Variants in ZNF385D observed in about 807,000 individuals in gnomAD.
ZNF385D encodes the protein zinc finger protein 659.
ZNF385D carries 15 observed loss-of-function variants against 35.8 expected under a neutral mutation model. The ratio of observed to expected loss-of-function variants is 0.42; its 90% CI spans 0.28 to 0.64. The LOEUF (loss-of-function observed/expected upper bound fraction) is 0.64, where lower values mean the gene tolerates loss of function less well. Ranked by LOEUF, ZNF385D falls within the 30% of genes least tolerant of loss-of-function variation. The pLI, the probability that ZNF385D is intolerant of heterozygous loss-of-function variation, is 0.23. For synonymous variants in ZNF385D, 212 were observed against 186.8 expected, an observed-to-expected ratio of 1.13 and a Z score of -1.10; for missense variants, 474 against 494.6, an observed-to-expected ratio of 0.96 and a Z score of 0.39.
chr3:21,822,492 T>C (rs1393328447), intron 3 of ZNF385D, among the ~76,000 whole-genome samples: 2 of 152,190 alleles, frequency 1.3e-5, no homozygotes, highest in Non-Finnish European at 2.9e-5. Flanking sequence ...ACATGTAAAA[T>C]CGTACAACAA....
intron 2 of ZNF385D, among the ~76,000 whole-genome samples, chr3:22,301,964 T>C (rs1702925239): frequency 6.6e-6 from 1 of 152,080 alleles, no homozygotes. Flanking sequence ...TTTCACTGTG[T>C]GTATATCCTT....
At chr3:21,593,655 TA>T (rs1182892798) in intron 2 of ZNF385D, among the ~76,000 whole-genome samples, 3 of 152,072 alleles carry the variant, frequency 2.0e-5, no homozygotes, top group Non-Finnish European at 4.4e-5. Flanking sequence ...CAATGCATTT[TA>T]AAAACATGAA....
At chr3:21,910,419 C>T (rs576930442) in intron 3 of ZNF385D, among the ~76,000 whole-genome samples, 2 of 151,898 alleles carry the variant, frequency 1.3e-5, no homozygotes, top group Non-Finnish European at 2.9e-5. Context: ...TGAAGAGAGC[C>T]TTTGCACTTA....
chr3:22,226,578 C>A (rs940488729), intron 2 of ZNF385D, among the ~76,000 whole-genome samples: 1 of 152,110 alleles, frequency 6.6e-6, no homozygotes, highest in Admixed American at 6.6e-5. Flanking sequence ...TGTTTAAGAA[C>A]CTGTGATTAA....
intron 3 of ZNF385D, among the ~76,000 whole-genome samples, chr3:21,928,273 GGA>G (rs1484334385): frequency 4.9e-4 from 71 of 144,554 alleles, no homozygotes; most frequent in Non-Finnish European, 1.2e-4. Flanking sequence ...AAGGAAGGAA[GGA>G]AGAGAGGAAG....
intron 3 of ZNF385D, among the ~76,000 whole-genome samples, chr3:21,806,864 C>A (rs1259286814): frequency 6.6e-6 from 1 of 151,788 alleles, no homozygotes; most frequent in African/African-American, 2.4e-5. Flanking sequence ...ATCAAAAAAA[C>A]AAAGCAAAGC....
At chr3:21,848,572 G>A (rs1253461475) in intron 3 of ZNF385D, among the ~76,000 whole-genome samples, 1 of 151,812 alleles carries the variant, frequency 6.6e-6, no homozygotes, top group African/African-American at 2.4e-5. Flanking sequence ...CAATGCTACA[G>A]AAATACAAAG....
chr3:21,996,509 G>A (rs1437788246), intron 3 of ZNF385D, among the ~76,000 whole-genome samples: 7 of 151,978 alleles, frequency 4.6e-5, no homozygotes, highest in East Asian at 1.9e-4. Context: ...AATAAATGAC[G>A]GGTGCCATCT....
intron 1 of ZNF385D, among the ~76,000 whole-genome samples, chr3:21,747,873 G>A (rs78626711): frequency 0.055 from 8,362 of 152,158 alleles, 316 homozygotes; most frequent in Middle Eastern, 0.092. Context: ...TTCATCTTTG[G>A]CACATGTAAT....
intron 3 of ZNF385D, among the ~76,000 whole-genome samples, chr3:22,097,713 T>A (rs752734108): frequency 3.3e-5 from 5 of 152,018 alleles, no homozygotes; most frequent in Non-Finnish European, 7.4e-5. Flanking sequence ...AGGATGAAGC[T>A]GTGTGCTTGG....
At chr3:21,717,841 C>A (rs1331921727) in intron 1 of ZNF385D, among the ~76,000 whole-genome samples, 2 of 152,152 alleles carry the variant, frequency 1.3e-5, no homozygotes, top group Non-Finnish European at 2.9e-5. Context: ...CATTAAACTT[C>A]TTTTTCTTTA....
In ZNF385D at chr3:21,926,332, G is replaced by T. The variant is rs1302363807; in HGVS notation, c.325+242485C>A. ...CAGTGTGTGATGCTCCCCTCCCTGT[G>T]TCCATGTGTTCTCATTGTTCAACTC... On this transcript the variant is annotated intron_variant, in intron 3 of 5. Transcript: ENST00000494108. Among the ~76,000 whole-genome samples, 4 of 151,914 alleles carry T rather than the reference G, an allele frequency of 2.6e-5. No individual in the cohort carries two copies. The South Asian group carries it at 8.3e-4, about 32-fold the overall frequency.
intron 3 of ZNF385D, among the ~76,000 whole-genome samples, chr3:21,563,066 G>C (rs776624239): frequency 1.3e-5 from 2 of 151,862 alleles, no homozygotes; most frequent in Non-Finnish European, 2.9e-5. Context: ...AAATTCATAT[G>C]TTGAGATTCT....
intron 3 of ZNF385D, among the ~76,000 whole-genome samples, chr3:21,781,337 C>T (rs187544758): frequency 6.6e-6 from 1 of 152,110 alleles, no homozygotes; most frequent in East Asian, 1.9e-4. Context: ...ACCTTCCATA[C>T]CCTTCCATAT....
intron 3 of ZNF385D, among the ~76,000 whole-genome samples, chr3:21,812,416 T>G (rs1276311033): frequency 1.3e-5 from 2 of 152,208 alleles, no homozygotes; most frequent in Non-Finnish European, 2.9e-5. Context: ...ACCTCAGAAG[T>G]GCAAGAGGTT....
chr3:22,314,827 T>C (rs1301394411), intron 2 of ZNF385D, among the ~76,000 whole-genome samples: 1 of 152,122 alleles, frequency 6.6e-6, no homozygotes, highest in Admixed American at 6.6e-5. Context: ...AGGCCTGGAC[T>C]ATGTGGTTTC....
chr3:22,346,183 A>C (rs955682190), intron 2 of ZNF385D, among the ~76,000 whole-genome samples: 27 of 152,206 alleles, frequency 1.8e-4, no homozygotes, highest in African/African-American at 6.5e-4. Flanking sequence ...TGCCTATAGA[A>C]TGACTTAATT....
chr3:21,677,895 ATT>A (rs943947512), intron 1 of ZNF385D, among the ~76,000 whole-genome samples: 1 of 151,992 alleles, frequency 6.6e-6, no homozygotes, highest in African/African-American at 2.4e-5. Flanking sequence ...AGGTTGATTG[ATT>A]TTAATGCTCG....
intron 1 of ZNF385D, among the ~76,000 whole-genome samples, chr3:21,682,049 C>T (rs577611233): frequency 6.6e-6 from 1 of 152,250 alleles, no homozygotes; most frequent in Admixed American, 6.5e-5. Flanking sequence ...GTAAGTCTAA[C>T]TGTTGCACCA....
Sources: allele counts gnomAD v4.1 joint callset (sites outside exome capture counted in the v4.1 genomes callset), GRCh38; gene constraint gnomAD v4.1.1; transcripts MANE v1.5; gene names NCBI Gene and HGNC (gene_info 2026-07-23, HGNC 2026-07-21).